SRGAP2: variants seen among roughly 807,000 people sequenced by gnomAD.
The protein encoded by SRGAP2 is SLIT-ROBO Rho GTPase-activating protein 2.
SRGAP2 carries 15 observed loss-of-function variants against 57.2 expected under a neutral mutation model. That is an observed-to-expected ratio of 0.26 (90% confidence interval 0.18 to 0.40). The LOEUF (loss-of-function observed/expected upper bound fraction) is 0.40, where lower values mean the gene tolerates loss of function less well. Among genes scored for constraint, SRGAP2 ranks in the 10% least tolerant of loss-of-function variants. The probability of loss-of-function intolerance (pLI) is 1.00; values close to 1 mark genes in which losing one functional copy is unlikely to be tolerated. For synonymous variants in SRGAP2, 249 were observed against 248.0 expected, an observed-to-expected ratio of 1.00 and a Z score of -0.04; for missense variants, 520 against 669.6, an observed-to-expected ratio of 0.78 and a Z score of 2.47.
chr1:206,255,661 C>G (rs2019353), intron 2 of SRGAP2, among the ~76,000 whole-genome samples: 1 of 98,260 alleles, frequency 1.0e-5, no homozygotes, highest in Admixed American at 1.0e-4. Context: ...GTCATCCTCA[C>G]AGTTGTCTGT....
intron 3 of SRGAP2, among the ~76,000 whole-genome samples, chr1:206,337,961 C>G (rs1674902622): frequency 6.6e-6 from 1 of 152,086 alleles, no homozygotes; most frequent in Non-Finnish European, 1.5e-5. Context: ...ATAAATAGTC[C>G]AAGGTGAGGG....
chr1:206,461,642 A>G lies in SRGAP2; in HGVS notation c.*222A>G. On this transcript the variant is annotated 3_prime_UTR_variant, in exon 23 of 23. Coordinates refer to ENST00000573034, the MANE Select transcript of SRGAP2 (RefSeq NM_015326.5). ...TTCCCCCAGTCGTCGTAATTCAGCC[A>G]GCTGCAGTCCGTACCGTTCTTAGGT... The G allele has an allele frequency of 1.8e-6, 1 of 550,910 alleles. No individual in the cohort carries two copies. Among genetic ancestry groups the G allele is most frequent in the Non-Finnish European group, 3.2e-6 (1 of 312,002 alleles). 34.1% of individuals were successfully genotyped at this position (550,910 alleles called of 1,614,324 possible).
chr1:206,325,945 G>T (rs377473629), intron 3 of SRGAP2, among the ~76,000 whole-genome samples: 2 of 152,164 alleles, frequency 1.3e-5, no homozygotes, highest in Admixed American at 6.5e-5. Context: ...ATGCAAGGTG[G>T]TTTGGGGTCT....
intron 13 of SRGAP2, among the ~76,000 whole-genome samples, chr1:206,429,628 G>T (rs191645777): frequency 6.6e-6 from 1 of 152,254 alleles, no homozygotes; most frequent in South Asian, 2.1e-4. Context: ...AACAGGCAGT[G>T]GAACTGGAGG....
intron 11 of SRGAP2, among the ~76,000 whole-genome samples, chr1:206,416,684 C>T (rs893239621): frequency 6.6e-6 from 1 of 152,168 alleles, no homozygotes; most frequent in Non-Finnish European, 1.5e-5. Flanking sequence ...GGTTTTTTGG[C>T]ACCCTGCCCA....
chr1:206,455,101 C>T, intron 21 of SRGAP2, 77 bp downstream of exon 21: 1 of 775,872 alleles, frequency 1.3e-6, no homozygotes, highest in Non-Finnish European at 2.4e-6. Context: ...TAACCCCCAT[C>T]TCCATTCCTG....
chr1:206,339,197 C>T (rs1553334504), intron 3 of SRGAP2, among the ~76,000 whole-genome samples: 1 of 150,586 alleles, frequency 6.6e-6, no homozygotes, highest in Non-Finnish European at 1.5e-5. Context: ...TTGGATAAGC[C>T]CCAACATGTA....
chr1:206,381,392 A>T (rs1655704432), intron 4 of SRGAP2, among the ~76,000 whole-genome samples: 1 of 109,856 alleles, frequency 9.1e-6, no homozygotes, highest in South Asian at 3.8e-4. Flanking sequence ...GGGAAGTGAT[A>T]CTCATGGTCA....
At chr1:206,241,615 C>A (rs1668237143) in intron 2 of SRGAP2, among the ~76,000 whole-genome samples, 1 of 151,914 alleles carries the variant, frequency 6.6e-6, no homozygotes, top group South Asian at 2.1e-4. Context: ...ATAAAGACTT[C>A]TACTTCCGAA....
chr1:206,249,332 G>C (rs1217130190), intron 2 of SRGAP2, among the ~76,000 whole-genome samples: 13 of 151,920 alleles, frequency 8.6e-5, no homozygotes, highest in Non-Finnish European at 1.8e-4. Context: ...ACAAAGACTT[G>C]GAACCAACCC....
chr1:206,269,571 GA>G, intron 2 of SRGAP2, among the ~76,000 whole-genome samples: 1 of 139,784 alleles, frequency 7.2e-6, no homozygotes, highest in African/African-American at 2.7e-5. Flanking sequence ...TCATCAGAGA[GA>G]ATGATTTTTA....
At chr1:206,231,869 G>A (rs1226234632) in intron 2 of SRGAP2, among the ~76,000 whole-genome samples, 3 of 151,978 alleles carry the variant, frequency 2.0e-5, no homozygotes, top group Non-Finnish European at 2.9e-5. Context: ...GAAATTGTTG[G>A]AGTAGATCAT....
In SRGAP2 at chr1:206,355,728, A is replaced by C. The variant is rs192653205; in HGVS notation, c.423+12720A>C. Among the ~76,000 whole-genome samples, 830 of 152,272 alleles carry C rather than the reference A, an allele frequency of 5.5e-3. 12 individuals are homozygous for C. Among genetic ancestry groups the C allele is most frequent in the African/African-American group, 0.019 (797 of 41,536 alleles). ...ATGTCTGTAACCCCAGCACTTTGGG[A>C]GGCGGAGGCAGGTGGATCACCTGAG... is the stretch of plus-strand genomic sequence containing the variant. On this transcript the variant is annotated intron_variant, in intron 4 of 22. Transcript: ENST00000573034.
intron 4 of SRGAP2, among the ~76,000 whole-genome samples, chr1:206,381,460 C>T (rs1369150816): frequency 6.3e-5 from 5 of 79,870 alleles, no homozygotes; most frequent in African/African-American, 2.1e-4. Flanking sequence ...CCTCACTTCA[C>T]CTCCTTGGGC....
At chr1:206,282,120 C>T (rs1670775313) in intron 2 of SRGAP2, among the ~76,000 whole-genome samples, 1 of 76,832 alleles carries the variant, frequency 1.3e-5, no homozygotes, top group East Asian at 4.0e-4. Context: ...TCACTTTTGT[C>T]AGCTGCATCC....
intron 13 of SRGAP2, among the ~76,000 whole-genome samples, chr1:206,425,043 A>G (rs978960153): frequency 6.6e-6 from 1 of 152,200 alleles, no homozygotes; most frequent in African/African-American, 2.4e-5. Flanking sequence ...AACCCTTTGT[A>G]CTTGCCTTTA....
chr1:206,444,346 A>G (rs1662571009), intron 17 of SRGAP2, among the ~76,000 whole-genome samples: 1 of 152,220 alleles, frequency 6.6e-6, no homozygotes, highest in African/African-American at 2.4e-5. Context: ...GCTCCTGGTC[A>G]TTGTAGCCAC....
At chr1:206,440,457 G>A (rs1464042328) in intron 17 of SRGAP2, among the ~76,000 whole-genome samples, 28 of 152,144 alleles carry the variant, frequency 1.8e-4, no homozygotes, top group African/African-American at 6.8e-4. Flanking sequence ...CAGCAGCCCA[G>A]AGGAGGAGAA....
At chr1:206,430,733 T>C (rs1661215021) in intron 14 of SRGAP2, among the ~76,000 whole-genome samples, 1 of 152,376 alleles carries the variant, frequency 6.6e-6, no homozygotes, top group East Asian at 1.9e-4. Context: ...CTTAAAGTTG[T>C]ATCCAACTTT....
Sources: allele counts gnomAD v4.1 joint callset (sites outside exome capture counted in the v4.1 genomes callset), GRCh38; gene constraint gnomAD v4.1.1; transcripts MANE v1.5; gene names NCBI Gene and HGNC (gene_info 2026-07-23, HGNC 2026-07-21).